The following LASP1 variants were observed in gnomAD, a reference collection of about 807,000 sequenced individuals.
LASP1 encodes LIM and SH3 protein 1, also known as LIM and SH3 domain protein 1.
LASP1 carries 10 observed loss-of-function variants against 38.6 expected under a neutral mutation model. The ratio of observed to expected loss-of-function variants is 0.26; its 90% CI spans 0.16 to 0.44. The LOEUF is 0.44. Ranked by LOEUF, LASP1 falls within the 20% of genes least tolerant of loss-of-function variation. The probability of loss-of-function intolerance (pLI) is 1.00; values close to 1 mark genes in which losing one functional copy is unlikely to be tolerated. For synonymous variants in LASP1, 132 were observed against 140.8 expected, an observed-to-expected ratio of 0.94 and a Z score of 0.44; for missense variants, 243 against 375.7, an observed-to-expected ratio of 0.65 and a Z score of 2.92.
At chr17:38,891,096 C>T (rs1427861382) in intron 3 of LASP1, among the ~76,000 whole-genome samples, 6 of 150,082 alleles carry the variant, frequency 4.0e-5, no homozygotes, top group Admixed American at 2.7e-4. Flanking sequence ...TTAGGGGACA[C>T]GGAGGAATAA....
chr17:38,921,056 T>G lies in LASP1; in HGVS notation c.*2278T>G, dbSNP rs912049627. ...CCCTCTACTCTTCCTGTCCTAAAAATAGGGGCCGTTTTCTTACACACCCCC... is the reference window on the plus strand; with the variant it reads ...CCCTCTACTCTTCCTGTCCTAAAAAGAGGGGCCGTTTTCTTACACACCCCC... On this transcript the variant is annotated 3_prime_UTR_variant, in exon 7 of 7. Coordinates refer to ENST00000318008, the MANE Select transcript of LASP1 (RefSeq NM_006148.4). 14 of 230,598 alleles carry G rather than the reference T, an allele frequency of 6.1e-5. No individual in the cohort carries two copies. The highest frequency in any genetic ancestry group is 2.9e-4 in the African/African-American group (13 of 45,106). 14.3% of individuals were successfully genotyped at this position (230,598 alleles called of 1,614,324 possible). A position where few individuals can be genotyped will look rare whatever the true frequency, so the allele number is the denominator to read the frequency against.
chr17:38,917,610 C>T (rs1444711144), intron 6 of LASP1, among the ~76,000 whole-genome samples: 1 of 151,942 alleles, frequency 6.6e-6, no homozygotes, highest in Admixed American at 6.6e-5. Flanking sequence ...GGACAGGACT[C>T]ATCATGGCTT....
chr17:38,909,082 G>A (rs1012093971), intron 4 of LASP1, among the ~76,000 whole-genome samples: 4 of 152,200 alleles, frequency 2.6e-5, no homozygotes, highest in African/African-American at 4.8e-5. Flanking sequence ...TTCCAGCTAG[G>A]TGCCTGCCAG....
At chr17:38,901,224 C>G (rs1206217671) in intron 4 of LASP1, among the ~76,000 whole-genome samples, 1 of 152,222 alleles carries the variant, frequency 6.6e-6, no homozygotes, top group African/African-American at 2.4e-5. Context: ...ACTCCACACT[C>G]AGCCTAAGCC....
At chr17:38,914,574 C>A in intron 5 of LASP1, 99 bp downstream of exon 5, 1 of 1,399,360 alleles carries the variant, frequency 7.1e-7, no homozygotes, top group South Asian at 1.4e-5. Flanking sequence ...CCTTCCGGAG[C>A]CTTGCTCTTA....
intron 1 of LASP1, among the ~76,000 whole-genome samples, chr17:38,872,106 T>C (rs1913626691): frequency 1.3e-5 from 2 of 152,166 alleles, no homozygotes; most frequent in South Asian, 4.1e-4. Context: ...AACTGGGTCC[T>C]TGTTCCAGGT....
chr17:38,893,041 A>G (rs1363896834), intron 3 of LASP1, among the ~76,000 whole-genome samples: 1 of 152,142 alleles, frequency 6.6e-6, no homozygotes, highest in Non-Finnish European at 1.5e-5. Flanking sequence ...GTATGCGTGT[A>G]TGCCTGACTT....
chr17:38,881,101 AAAAC>A (rs748492145), intron 2 of LASP1, among the ~76,000 whole-genome samples: 3 of 151,830 alleles, frequency 2.0e-5, no homozygotes, highest in Non-Finnish European at 2.9e-5. Context: ...ACTCCATCTC[AAAAC>A]AAACAAACAA....
At chr17:38,877,761 G>A (rs911599498) in intron 1 of LASP1, among the ~76,000 whole-genome samples, 1 of 152,216 alleles carries the variant, frequency 6.6e-6, no homozygotes, top group African/African-American at 2.4e-5. Flanking sequence ...TGGGCAGGAG[G>A]GGTTCCCTGG....
chr17:38,908,526 G>T (rs1397374293), intron 4 of LASP1, among the ~76,000 whole-genome samples: 1 of 152,236 alleles, frequency 6.6e-6, no homozygotes, highest in Non-Finnish European at 1.5e-5. Flanking sequence ...TGGATTTTCA[G>T]CCTGGCCAGG....
At chr17:38,879,403 C>T (rs906898288) in intron 2 of LASP1, among the ~76,000 whole-genome samples, 1 of 151,490 alleles carries the variant, frequency 6.6e-6, no homozygotes, top group Non-Finnish European at 1.5e-5. Context: ...AGTGATGCAC[C>T]GCCTCAGCCT....
At chr17:38,903,748 C>T (rs911753439) in intron 4 of LASP1, 4 of 152,174 alleles carry the variant, frequency 2.6e-5, no homozygotes, top group Admixed American at 6.6e-5. Flanking sequence ...ACACTGTTGC[C>T]GGAGAAGGGT....
chr17:38,889,661 A>C (rs1016833961), intron 2 of LASP1, among the ~76,000 whole-genome samples: 1 of 152,240 alleles, frequency 6.6e-6, no homozygotes, highest in African/African-American at 2.4e-5. Context: ...TGAGGTATAT[A>C]GGAAATGGTC....
At chr17:38,888,475 G>A (rs917792096) in intron 2 of LASP1, among the ~76,000 whole-genome samples, 6 of 152,022 alleles carry the variant, frequency 3.9e-5, no homozygotes, top group Admixed American at 3.3e-4. Flanking sequence ...ACAGGATTTC[G>A]CCATGTTAGC....
Position 38,918,479 on chromosome 17 carries a change from G to C in LASP1, c.613-126G>C. On this transcript the variant is annotated intron_variant, in intron 6 of 6. Transcript: ENST00000318008. This position sits in a 1 kb window ranked among gnomAD's most constrained non-coding sequence, Gnocchi z 4.4. ...TTAAGAATCTTTGCAGCAGAGCCTG[G>C]TGCTCCATTTCTGAGTTCACTGCTC... The C allele has an allele frequency of 1.1e-6, 1 of 900,422 alleles. No individual in the cohort carries two copies. The highest frequency in any genetic ancestry group is 1.7e-6 in the Non-Finnish European group (1 of 586,304). The allele number at this position is 900,422 out of a possible 1,614,324, so 55.8% of individuals were successfully genotyped here.
chr17:38,920,100 C>T lies in LASP1; in HGVS notation c.*1322C>T, dbSNP rs763669509. On this transcript the variant is annotated 3_prime_UTR_variant, in exon 7 of 7. Transcript: ENST00000318008. ...AGTGGAGGAAGCCCACCAATCTGCC[C>T]TTTGCAGTGTGCAGGGTGGAAGGTA... 8 of 536,884 alleles carry T rather than the reference C, an allele frequency of 1.5e-5. No homozygotes were observed. The highest frequency in any genetic ancestry group is 1.2e-4 in the South Asian group (8 of 65,264). 33.3% of individuals were successfully genotyped at this position (536,884 alleles called of 1,614,324 possible).
intron 2 of LASP1, among the ~76,000 whole-genome samples, chr17:38,885,610 G>A (rs1914097904): frequency 6.7e-6 from 1 of 150,012 alleles, no homozygotes; most frequent in South Asian, 2.1e-4. Flanking sequence ...AAGGACAGCT[G>A]TGCTCTGGAC....
At chr17:38,914,976 CG>C (rs1915075621) in intron 5 of LASP1, 66 bp from the exon 6 acceptor site, 1 of 1,484,884 alleles carries the variant, frequency 6.7e-7, no homozygotes, top group African/African-American at 1.4e-5. Context: ...ATGGACTTCT[CG>C]GGAGCTCTGG....
intron 2 of LASP1, among the ~76,000 whole-genome samples, chr17:38,889,945 G>A (rs1055283881): frequency 1.3e-5 from 2 of 152,292 alleles, no homozygotes; most frequent in South Asian, 4.1e-4. Context: ...CTGGATATGT[G>A]TGTCCCTTTG....
Sources: allele counts gnomAD v4.1 joint callset (sites outside exome capture counted in the v4.1 genomes callset), GRCh38; gene constraint gnomAD v4.1.1; non-coding constraint Gnocchi (gnomAD v3.1); transcripts MANE v1.5; gene names NCBI Gene and HGNC (gene_info 2026-07-23, HGNC 2026-07-21).